Variants in OCA2 observed in about 807,000 individuals in gnomAD.
OCA2 encodes OCA2 melanosomal transmembrane protein.
A neutral mutation model predicts 100.2 loss-of-function variants in OCA2; 77 were observed. The ratio of observed to expected loss-of-function variants is 0.77; its 90% confidence interval spans 0.64 to 0.93. OCA2 has a LOEUF of 0.93. Ranked by LOEUF, OCA2 falls within the 40% of genes least tolerant of loss-of-function variation. The pLI, the probability that OCA2 is intolerant of heterozygous loss-of-function variation, is 0.00. For missense variants in OCA2, 1,062 were observed against 1,089.1 expected (o/e 0.98, Z 0.35); for synonymous variants, 432 against 439.2 (o/e 0.98, Z 0.21).
chr15:27,908,189 G>C (rs986710218), intron 19 of OCA2, among the ~76,000 whole-genome samples: 2 of 151,910 alleles, frequency 1.3e-5, no homozygotes, highest in African/African-American at 4.8e-5. Flanking sequence ...TCATAAAAAA[G>C]ATAATTCATT....
At chr15:28,008,142 T>G (rs1251028650) in intron 9 of OCA2, among the ~76,000 whole-genome samples, 1 of 152,228 alleles carries the variant, frequency 6.6e-6, no homozygotes, top group Admixed American at 6.5e-5. Context: ...ATAAGTGAGA[T>G]GGAGCGCCCA....
intron 23 of OCA2, among the ~76,000 whole-genome samples, chr15:27,837,793 G>A (rs532896551): frequency 2.0e-5 from 3 of 151,786 alleles, no homozygotes; most frequent in Admixed American, 1.3e-4. Context: ...AGCCTGGCAG[G>A]GGAAGGGGAA....
chr15:27,876,627 ACT>A (rs1283262624), intron 19 of OCA2, among the ~76,000 whole-genome samples: 2 of 151,600 alleles, frequency 1.3e-5, no homozygotes, highest in African/African-American at 4.8e-5. Flanking sequence ...TATTGATATA[ACT>A]CTATTTTGAT....
the OCA2 span, among the ~76,000 whole-genome samples, chr15:27,744,951 A>T: frequency 5.9e-5 from 9 of 152,330 alleles, no homozygotes; most frequent in Admixed American, 4.6e-4. Context: ...TAGCAGTAAG[A>T]GACCAAATTC....
At chr15:28,074,546 C>T (rs1199011907) in intron 2 of OCA2, among the ~76,000 whole-genome samples, 2 of 152,120 alleles carry the variant, frequency 1.3e-5, no homozygotes, top group African/African-American at 2.4e-5. Flanking sequence ...TGGTGGCGGA[C>T]GCCTGCAGTC....
intron 23 of OCA2, among the ~76,000 whole-genome samples, chr15:27,790,190 A>T (rs2033014815): frequency 6.6e-6 from 1 of 152,212 alleles, no homozygotes; most frequent in Non-Finnish European, 1.5e-5. Context: ...TAAAATATAA[A>T]TCAAAATCAC....
At chr15:27,939,780 CA>C (rs772476681) in intron 18 of OCA2, among the ~76,000 whole-genome samples, 30 of 152,170 alleles carry the variant, frequency 2.0e-4, no homozygotes, top group Non-Finnish European at 4.0e-4. Flanking sequence ...AAAACACACT[CA>C]AAAATAACGA....
chr15:28,018,670 G>A, intron 6 of OCA2, 113 bp from the exon 7 acceptor site: 1 of 1,001,562 alleles, frequency 1.0e-6, no homozygotes, highest in Non-Finnish European at 1.5e-6. Context: ...GTTTCCCCAG[G>A]TGCCCCACGC....
intron 2 of OCA2, among the ~76,000 whole-genome samples, chr15:28,079,141 T>C (rs2044531397): frequency 6.6e-6 from 1 of 152,218 alleles, no homozygotes. Flanking sequence ...CAGCATCTCA[T>C]AGTGTTCTTT....
intron 19 of OCA2, among the ~76,000 whole-genome samples, chr15:27,883,125 GCTC>G (rs1427394372): frequency 6.6e-6 from 1 of 152,112 alleles, no homozygotes; most frequent in Non-Finnish European, 1.5e-5. Flanking sequence ...TGCAGGTGCT[GCTC>G]TCTCTGACTC....
the OCA2 span, among the ~76,000 whole-genome samples, chr15:27,724,387 G>A: frequency 4.1e-4 from 63 of 152,190 alleles, no homozygotes; most frequent in Middle Eastern, 6.8e-3. Context: ...TGTGCACATC[G>A]GTCTCTGTGT....
Position 27,990,617 on chromosome 15 carries a change from C to G in OCA2, c.1075G>C (p.Gly359Arg), listed in dbSNP as rs1555368749. The change falls in exon 10 of 24, where the codon GGT becomes CGT. Residue 359 changes from glycine to arginine, a missense_variant. Transcript: ENST00000354638. ...AGTGCTGCCAGTGCTGCAAGGGAAC[C>G]CAGCATGGCCGCCAGAGTTCTGTGC... ...IVHRTLAAML[G>R]SLAALAALAV... is the part of the protein sequence containing the mutation. 9.3e-6 allele frequency: 15 copies of G among 1,614,060 alleles called. No homozygotes were observed. The highest frequency in any genetic ancestry group is 1.2e-5 in the Non-Finnish European group (14 of 1,180,002).
At chr15:28,025,342 G>C (rs1414587708) in intron 4 of OCA2, among the ~76,000 whole-genome samples, 1 of 152,146 alleles carries the variant, frequency 6.6e-6, no homozygotes, top group Non-Finnish European at 1.5e-5. Context: ...ACTTAAGAAA[G>C]AAATTGCTAT....
intron 2 of OCA2, among the ~76,000 whole-genome samples, chr15:28,063,062 G>T (rs1459765249): frequency 1.3e-5 from 2 of 152,128 alleles, no homozygotes; most frequent in Admixed American, 6.5e-5. Flanking sequence ...TCTATGACTT[G>T]CAGGATCAGT....
At chr15:27,826,353 A>G (rs1038780102) in intron 23 of OCA2, among the ~76,000 whole-genome samples, 1 of 93,268 alleles carries the variant, frequency 1.1e-5, no homozygotes, top group Non-Finnish European at 1.8e-5. Context: ...GGAACTTCCC[A>G]CACACACACA....
chr15:28,006,346 C>T (rs2042091496), intron 9 of OCA2, among the ~76,000 whole-genome samples: 1 of 152,146 alleles, frequency 6.6e-6, no homozygotes, highest in Non-Finnish European at 1.5e-5. Context: ...CAAGGGCATG[C>T]GAAAGAGAGC....
chr15:27,797,684 A>T, intron 23 of OCA2, among the ~76,000 whole-genome samples: 1 of 152,204 alleles, frequency 6.6e-6, no homozygotes, highest in East Asian at 1.9e-4. Flanking sequence ...TAGTGTTTAG[A>T]ATAAGATTAC....
At chr15:27,847,535 G>C (rs1323150509) in intron 22 of OCA2, among the ~76,000 whole-genome samples, 1 of 152,192 alleles carries the variant, frequency 6.6e-6, no homozygotes, top group African/African-American at 2.4e-5. Flanking sequence ...AGGCCCTGGA[G>C]AGGAGGCCAA....
intron 19 of OCA2, among the ~76,000 whole-genome samples, chr15:27,913,892 A>AAGC (rs2038538730): frequency 2.7e-4 from 10 of 37,428 alleles, no homozygotes; most frequent in Admixed American, 6.1e-4. Context: ...AGAAAGAAAG[A>AAGC]AAGCAAGCAA....
Sources: allele counts gnomAD v4.1 joint callset (sites outside exome capture counted in the v4.1 genomes callset), GRCh38; gene constraint gnomAD v4.1.1; transcripts MANE v1.5; gene names NCBI Gene and HGNC (gene_info 2026-07-23, HGNC 2026-07-21).